AGMO: variants seen among roughly 807,000 people sequenced by gnomAD.
AGMO encodes glyceryl-ether monooxygenase.
A neutral mutation model predicts 60.2 loss-of-function variants in AGMO; 75 were observed. The observed-to-expected ratio is 1.25, with a 90% CI of 1.03 to 1.51. The LOEUF is 1.51. AGMO is among the 40% of genes most tolerant of loss of function. The pLI is 0.00. For synonymous variants in AGMO, 261 were observed against 177.1 expected (o/e 1.47, Z -3.76); for missense variants, 763 against 525.5 (o/e 1.45, Z -4.42).
intron 12 of AGMO, among the ~76,000 whole-genome samples, chr7:15,278,513 G>T (rs947056040): frequency 2.0e-5 from 3 of 152,034 alleles, no homozygotes; most frequent in African/African-American, 7.2e-5. Context: ...ATGGGTGACT[G>T]GCCTCTAGGC....
intron 10 of AGMO, among the ~76,000 whole-genome samples, chr7:15,367,106 T>C (rs986462777): frequency 6.6e-6 from 1 of 152,056 alleles, no homozygotes; most frequent in Non-Finnish European, 1.5e-5. Flanking sequence ...AGTTTGTTTT[T>C]GGACTCTCAG....
In AGMO at chr7:15,365,533, G is replaced by C; in HGVS notation, c.1244C>G (p.Ser415Ter). The C allele has an allele frequency of 6.2e-7, 1 of 1,612,344 alleles. No homozygotes were observed. The highest frequency in any genetic ancestry group is 1.3e-5 in the African/African-American group (1 of 74,956). The change falls in exon 12 of 13, where the codon TCA (serine) becomes TGA (stop). Residue 415 changes from serine (S) to a stop codon, truncating the protein, a stop_gained. Coordinates refer to ENST00000342526, the MANE Select transcript of AGMO (RefSeq NM_001004320.2). LOFTEE classifies it high-confidence loss of function. ...RFGHLKPLVP[S>*]LSSAFEIVFS... ...TCTTACCTCAAAAGCAGATGACAAT[G>C]AAGGGACAAGAGGCTTCAGGTGACC...
At chr7:15,365,952 T>C (rs143806082) in intron 11 of AGMO, among the ~76,000 whole-genome samples, 188 bp downstream of exon 11, 208 of 152,182 alleles carry the variant, frequency 1.4e-3, no homozygotes, top group Admixed American at 2.8e-3. Flanking sequence ...ACTTCATTCA[T>C]TTAAAAAATG....
At chr7:15,287,307 T>C (rs1467198758) in intron 12 of AGMO, among the ~76,000 whole-genome samples, 1 of 152,214 alleles carries the variant, frequency 6.6e-6, no homozygotes, top group Non-Finnish European at 1.5e-5. Flanking sequence ...AGATTAGCAA[T>C]GTTATTTCAT....
chr7:15,547,558 A>G (rs935481261), intron 2 of AGMO, among the ~76,000 whole-genome samples: 5 of 152,238 alleles, frequency 3.3e-5, no homozygotes, highest in Admixed American at 2.6e-4. Flanking sequence ...GGGGTGACAG[A>G]CGCACCTGGA....
chr7:15,332,912 T>C (rs946973175), intron 12 of AGMO, among the ~76,000 whole-genome samples: 1 of 152,172 alleles, frequency 6.6e-6, no homozygotes, highest in African/African-American at 2.4e-5. Context: ...ATGGTATACA[T>C]TTCATGATGC....
At chr7:15,290,612 T>A (rs373618921) in intron 12 of AGMO, among the ~76,000 whole-genome samples, 2 of 152,152 alleles carry the variant, frequency 1.3e-5, no homozygotes, top group African/African-American at 2.4e-5. Flanking sequence ...TGTGGTCACA[T>A]AGAGGAATGG....
the AGMO span, among the ~76,000 whole-genome samples, chr7:15,136,289 G>A: frequency 2.0e-5 from 3 of 151,800 alleles, no homozygotes; most frequent in Non-Finnish European, 4.4e-5. Context: ...CACCGCGCCT[G>A]GCCTAGTATC....
intron 3 of AGMO, among the ~76,000 whole-genome samples, chr7:15,520,839 T>C (rs1783964311): frequency 6.6e-6 from 1 of 151,792 alleles, no homozygotes; most frequent in African/African-American, 2.4e-5. Flanking sequence ...GGACAAGAAA[T>C]AACTAAGATA....
At chr7:15,232,307 G>C (rs951345230) in intron 12 of AGMO, among the ~76,000 whole-genome samples, 5 of 152,156 alleles carry the variant, frequency 3.3e-5, no homozygotes, top group Non-Finnish European at 7.4e-5. Context: ...TTAGGAAACA[G>C]GGCTTGTGAA....
intron 2 of AGMO, among the ~76,000 whole-genome samples, chr7:15,545,264 T>C (rs1217622085): frequency 1.3e-5 from 2 of 152,154 alleles, no homozygotes; most frequent in East Asian, 3.9e-4. Context: ...ATTTCTGTGA[T>C]TGTCATTTCT....
chr7:15,428,655 G>C (rs1323773713), intron 4 of AGMO, among the ~76,000 whole-genome samples: 1 of 152,046 alleles, frequency 6.6e-6, no homozygotes, highest in Non-Finnish European at 1.5e-5. Context: ...TTATAGCTTT[G>C]AAAATAGATG....
intron 3 of AGMO, among the ~76,000 whole-genome samples, chr7:15,445,128 G>A (rs1781663421): frequency 6.6e-6 from 1 of 152,040 alleles, no homozygotes; most frequent in Non-Finnish European, 1.5e-5. Flanking sequence ...AAACACTGTA[G>A]CGAACATGTC....
At chr7:15,285,728 A>G (rs1232803251) in intron 12 of AGMO, among the ~76,000 whole-genome samples, 1 of 152,082 alleles carries the variant, frequency 6.6e-6, no homozygotes, top group Non-Finnish European at 1.5e-5. Flanking sequence ...ATATCCTAAA[A>G]TTCTGTGGAT....
intron 12 of AGMO, among the ~76,000 whole-genome samples, chr7:15,216,774 A>G (rs149575860): frequency 1.1e-4 from 16 of 152,210 alleles, no homozygotes; most frequent in Middle Eastern, 6.8e-3. Flanking sequence ...AGATCAACAC[A>G]TATCAATTGA....
chr7:15,394,442 T>G (rs537387291), intron 5 of AGMO, among the ~76,000 whole-genome samples: 47 of 152,288 alleles, frequency 3.1e-4, no homozygotes, highest in African/African-American at 1.1e-3. Context: ...TCCAGGAATC[T>G]CCACTTACTA....
At position 15,418,608 on chromosome 7, in the gene AGMO, C is replaced by A; in HGVS notation, c.559G>T (p.Ala187Ser). Residue 187 changes from alanine (A) to serine (S), a missense_variant, in exon 5 of 13, where the codon GCT (alanine) becomes TCT (serine). Physicochemically the swap from Ala to Ser is moderately conservative, Grantham distance 99. Transcript: ENST00000342526. ...AGAAGATTGAATTGAAGATGAACAG[C>A]ATATACTGAAGGGGGTATGAAGAGG... Reference protein sequence around the residue: ...LALFIPPSVYAVHLQFNLLYQ... With the variant: ...LALFIPPSVYSVHLQFNLLYQ... 1 of 1,583,308 alleles carries A rather than the reference C, an allele frequency of 6.3e-7. No homozygotes were observed. The highest frequency in any genetic ancestry group is 8.6e-7 in the Non-Finnish European group (1 of 1,169,450).
chr7:15,264,058 T>C (rs573708687), intron 12 of AGMO, among the ~76,000 whole-genome samples: 6 of 151,354 alleles, frequency 4.0e-5, no homozygotes, highest in Admixed American at 1.3e-4. Context: ...TAAAAACCTA[T>C]TGAAATAAAA....
intron 12 of AGMO, among the ~76,000 whole-genome samples, chr7:15,341,177 C>T (rs1373828358): frequency 6.6e-6 from 1 of 152,160 alleles, no homozygotes; most frequent in East Asian, 1.9e-4. Context: ...ATGCAAATTT[C>T]TGCAGCCTGC....
Sources: allele counts gnomAD v4.1 joint callset (sites outside exome capture counted in the v4.1 genomes callset), GRCh38; gene constraint gnomAD v4.1.1; transcripts MANE v1.5; gene names NCBI Gene and HGNC (gene_info 2026-07-23, HGNC 2026-07-21).